Variants in CD84 observed in about 807,000 individuals in gnomAD.
CD84 encodes the protein SLAM family member 5.
A neutral mutation model predicts 33.8 loss-of-function variants in CD84; 22 were observed. That is an observed-to-expected ratio of 0.65 (90% CI 0.46 to 0.93). The LOEUF (loss-of-function observed/expected upper bound fraction) is 0.93. Ranked by LOEUF, CD84 falls within the 40% of genes least tolerant of loss-of-function variation. The pLI is 0.00. For missense variants in CD84, 400 were observed against 397.6 expected (o/e 1.01, Z -0.05); for synonymous variants, 154 against 145.2 (o/e 1.06, Z -0.44).
At position 160,553,976 on chromosome 1, in the gene CD84, G is replaced by C. The variant is rs547616119; in HGVS notation, c.559C>G (p.Gln187Glu). Residue 187 changes from glutamine (Q) to glutamate (E), a missense_variant, in exon 3 of 7, where the codon CAA becomes GAA. Physicochemically the swap from Gln to Glu is conservative, Grantham distance 29. Coordinates refer to ENST00000368054, the MANE Select transcript of CD84 (RefSeq NM_003874.4). The part of the protein sequence containing the change: ...VLQIFQTPED[Q>E]ELTYTCTAQN... ...GCTGTACACGTGTAAGTCAGCTCTT[G>C]GTCCTCAGGAGTCTGGAAGATTTGA... 1.2e-6 allele frequency: 2 copies of C among 1,614,152 alleles called. No individual in the cohort carries two copies. The highest frequency in any genetic ancestry group is 1.7e-5 in the Admixed American group (1 of 60,022).
chr1:160,575,045 T>C (rs1386908100), intron 1 of CD84, among the ~76,000 whole-genome samples: 1 of 152,176 alleles, frequency 6.6e-6, no homozygotes, highest in Non-Finnish European at 1.5e-5. Flanking sequence ...TGGGGAAGAC[T>C]GCACAGTTGC....
chr1:160,553,543 C>A, intron 3 of CD84, 46 bp from the exon 4 acceptor site: 1 of 1,610,894 alleles, frequency 6.2e-7, no homozygotes, highest in Non-Finnish European at 8.5e-7. Context: ...GGAAATAGGC[C>A]CAAGAGGCTG....
intron 2 of CD84, 76 bp downstream of exon 2, chr1:160,565,328 A>T (rs1349735120): frequency 5.5e-6 from 6 of 1,096,112 alleles, no homozygotes; most frequent in African/African-American, 1.6e-5. Context: ...CAATTATCAG[A>T]AATGTAGATG....
chr1:160,567,396 C>A (rs2102186909), intron 1 of CD84, among the ~76,000 whole-genome samples: 1 of 152,230 alleles, frequency 6.6e-6, no homozygotes, highest in Middle Eastern at 3.4e-3. Flanking sequence ...AGAGATTTTC[C>A]CGTAGGAGCA....
chr1:160,552,423 A>C (rs1571349923), intron 4 of CD84, among the ~76,000 whole-genome samples: 1 of 152,170 alleles, frequency 6.6e-6, no homozygotes, highest in East Asian at 1.9e-4. Flanking sequence ...AACATTTATC[A>C]AGTACTTACT....
intron 1 of CD84, among the ~76,000 whole-genome samples, chr1:160,572,975 G>A (rs1159653118): frequency 1.3e-5 from 2 of 152,002 alleles, no homozygotes; most frequent in Non-Finnish European, 2.9e-5. Flanking sequence ...ATTGGGCTGG[G>A]GCACCCTTCC....
At position 160,544,633 on chromosome 1, in the gene CD84, A is replaced by G. The variant is rs1655718847; in HGVS notation, c.*3623T>C. 1 of 152,180 alleles carries G rather than the reference A, an allele frequency of 6.6e-6. No individual in the cohort carries two copies. Among genetic ancestry groups the G allele is most frequent in the African/African-American group, 2.4e-5 (1 of 41,418 alleles). 9.4% of individuals were successfully genotyped at this position (152,180 alleles called of 1,614,324 possible). On this transcript the variant is annotated 3_prime_UTR_variant, in exon 7 of 7. Transcript: ENST00000368054. ...TCTCTGTGGACACGGCCCAAACCAG[A>G]CAGGCCCCTTCCTGCCTGTGCCCGA...
chr1:160,571,124 G>C (rs1347334704), intron 1 of CD84: 2 of 152,028 alleles, frequency 1.3e-5, no homozygotes, highest in Admixed American at 6.6e-5. Context: ...CCTCTTTCTT[G>C]TTTAAGCCAT....
chr1:160,570,095 G>A (rs1009648515), intron 1 of CD84, among the ~76,000 whole-genome samples: 13 of 152,192 alleles, frequency 8.5e-5, no homozygotes, highest in Non-Finnish European at 1.8e-4. Flanking sequence ...AATGGGAATG[G>A]AAAGGAAGGG....
rs765929958 is a variant in CD84, at chr1:160,553,492, C to T, written c.646G>A (p.Ala216Thr). 2.6e-5 allele frequency: 42 copies of T among 1,614,012 alleles called. No individual in the cohort carries two copies. The highest frequency in any genetic ancestry group is 3.3e-5 in the Admixed American group (2 of 60,014). The change falls in exon 4 of 7, where the codon GCA becomes ACA. Residue 216 changes from alanine to threonine, a missense_variant. Coordinates refer to ENST00000368054, the MANE Select transcript of CD84 (RefSeq NM_003874.4). Reference sequence around the variant, plus strand: ...GTGTGGTGAGTACGGAAGCCCATTGCGATGTCTGGAAATAGAAGATGCAGT... The same window carrying T: ...GTGTGGTGAGTACGGAAGCCCATTGTGATGTCTGGAAATAGAAGATGCAGT... ...ISARQLCADI[A>T]MGFRTHHTGL...
rs1655890409 is a variant in CD84 at position 160,547,373 on chromosome 1, GCTT to G, written c.*880_*882del. The G allele has an allele frequency of 7.6e-6, 3 of 394,288 alleles. No individual in the cohort carries two copies. Among genetic ancestry groups the G allele is most frequent in the Non-Finnish European group, 1.3e-5 (3 of 223,798 alleles). 24.4% of individuals were successfully genotyped at this position (394,288 alleles called of 1,614,324 possible). A position where few individuals can be genotyped will look rare whatever the true frequency, so the allele number is the denominator to read the frequency against. On this transcript the variant is annotated 3_prime_UTR_variant, in exon 7 of 7. Coordinates refer to ENST00000368054, the MANE Select transcript of CD84 (RefSeq NM_003874.4). ...GAGAGTGGGAATACTGGGCATGGCT[GCTT>G]CTTCTGCTGAGGCTGCTTGGAGTGA... is the stretch of plus-strand genomic sequence containing the variant.
At chr1:160,562,848 C>T (rs1657077893) in intron 2 of CD84, among the ~76,000 whole-genome samples, 1 of 151,954 alleles carries the variant, frequency 6.6e-6, no homozygotes, top group Non-Finnish European at 1.5e-5. Flanking sequence ...TATCCAGAGT[C>T]CACAAGGAAC....
intron 1 of CD84, 58 bp from the exon 2 acceptor site, chr1:160,565,803 A>T (rs114999732): frequency 0.015 from 20,781 of 1,428,152 alleles, 178 homozygotes; most frequent in East Asian, 0.022. Flanking sequence ...TTCACTTCCT[A>T]ATCTTTTTGG....
Position 160,554,162 on chromosome 1 carries a change from C to T in CD84, c.389-16G>A. On this transcript the variant is annotated splice_polypyrimidine_tract_variant and intron_variant, in intron 2 of 6. Coordinates refer to ENST00000368054, the MANE Select transcript of CD84 (RefSeq NM_003874.4). ...CCAAGCCGACCTGTGGGGGCAAACA[C>T]ATGAGCCAATAGTGAGCTGGAGCTG... 6.2e-7 allele frequency: 1 copy of T among 1,601,392 alleles called. No individual in the cohort carries two copies. Among genetic ancestry groups the T allele is most frequent in the Non-Finnish European group, 8.5e-7 (1 of 1,173,124 alleles).
At chr1:160,573,153 C>CA (rs961173224) in intron 1 of CD84, among the ~76,000 whole-genome samples, 1 of 151,918 alleles carries the variant, frequency 6.6e-6, no homozygotes, top group Non-Finnish European at 1.5e-5. Flanking sequence ...TTTGAAAAAA[C>CA]AAAAAACAAA....
intron 1 of CD84, among the ~76,000 whole-genome samples, chr1:160,568,813 G>T (rs1206937503): frequency 6.6e-6 from 1 of 152,086 alleles, no homozygotes; most frequent in Non-Finnish European, 1.5e-5. Flanking sequence ...TAGAGACGGG[G>T]TTTCACCATG....
chr1:160,549,475 C>A (rs11265435), intron 6 of CD84, among the ~76,000 whole-genome samples: 9 of 152,252 alleles, frequency 5.9e-5, no homozygotes, highest in Admixed American at 1.3e-4. Flanking sequence ...GTGCAGGCTG[C>A]GTGTGGTAAA....
rs540409818 is a variant in CD84, at chr1:160,547,691, G to T, written c.*565C>A. The T allele has an allele frequency of 5.1e-4, 81 of 159,740 alleles. No homozygotes were observed. The highest frequency in any genetic ancestry group is 8.2e-4 in the Non-Finnish European group (60 of 72,788). The allele number at this position is 159,740 out of a possible 1,614,324, so 9.9% of individuals were successfully genotyped here. A position where few individuals can be genotyped will look rare whatever the true frequency, so the allele number is the denominator to read the frequency against. On this transcript the variant is annotated 3_prime_UTR_variant, in exon 7 of 7. Coordinates refer to ENST00000368054, the MANE Select transcript of CD84 (RefSeq NM_003874.4). ...TTCTGCTCTCCAAGCCATGCACTCG[G>T]GGGAAGGGCTGCATCTGCCTCAAGC...
At chr1:160,549,484 A>G (rs144329555) in intron 6 of CD84, among the ~76,000 whole-genome samples, 1 of 152,300 alleles carries the variant, frequency 6.6e-6, no homozygotes, top group Admixed American at 6.5e-5. Flanking sequence ...GCGTGTGGTA[A>G]AAGAGCAGCT....
Sources: allele counts gnomAD v4.1 joint callset (sites outside exome capture counted in the v4.1 genomes callset), GRCh38; gene constraint gnomAD v4.1.1; transcripts MANE v1.5; gene names NCBI Gene and HGNC (gene_info 2026-07-23, HGNC 2026-07-21).